Variants in CACUL1 observed in about 807,000 individuals in gnomAD.
The protein encoded by CACUL1 is CDK2 associated cullin domain 1, also known as CDK2-associated and cullin domain-containing protein 1.
In CACUL1, 13 loss-of-function variants were observed where a neutral mutation model predicts 45.2. The observed-to-expected ratio is 0.29, with a 90% CI of 0.19 to 0.46. The LOEUF (loss-of-function observed/expected upper bound fraction) is 0.46. CACUL1 is among the 20% of genes least tolerant of loss of function. The probability of loss-of-function intolerance (pLI) is 1.00; values close to 1 mark genes in which losing one functional copy is unlikely to be tolerated. For synonymous variants in CACUL1, 197 were observed against 174.2 expected (o/e 1.13, Z -1.03); for missense variants, 421 against 471.4 (o/e 0.89, Z 0.99).
At chr10:118,729,657 G>A (rs888227590) in intron 2 of CACUL1, among the ~76,000 whole-genome samples, 3 of 152,156 alleles carry the variant, frequency 2.0e-5, no homozygotes, top group African/African-American at 2.4e-5. Flanking sequence ...TCTAATAGTA[G>A]GTGAGAATCT....
At chr10:118,748,177 A>T (rs911741624) in intron 1 of CACUL1, among the ~76,000 whole-genome samples, 4 of 152,228 alleles carry the variant, frequency 2.6e-5, no homozygotes, top group African/African-American at 9.6e-5. Context: ...TGCTGGACAG[A>T]CAGTCCTCCG....
At chr10:118,694,951 T>C in intron 6 of CACUL1, 190 bp downstream of exon 6, 1 of 444,976 alleles carries the variant, frequency 2.2e-6, no homozygotes, top group East Asian at 3.6e-5. Flanking sequence ...CACTAGTTGG[T>C]TTCCACTAGC....
intron 3 of CACUL1, among the ~76,000 whole-genome samples, chr10:118,724,467 T>G (rs1228697814): frequency 6.6e-6 from 1 of 152,214 alleles, no homozygotes; most frequent in Non-Finnish European, 1.5e-5. Flanking sequence ...GAGTCATAGT[T>G]AAATAGGATA....
intron 5 of CACUL1, among the ~76,000 whole-genome samples, chr10:118,696,157 C>CACTGTT (rs531138132): frequency 2.6e-3 from 390 of 152,286 alleles, no homozygotes; most frequent in Non-Finnish European, 3.3e-3. Context: ...GAGATGCACT[C>CACTGTT]ACTGTTCAAG....
In CACUL1 at chr10:118,686,717, T is replaced by TAAA. The variant is rs1589600289; in HGVS notation, c.1026-79_1026-77dup. The TAAA allele has an allele frequency of 6.7e-5, 70 of 1,042,816 alleles. No individual in the cohort carries two copies. The East Asian group carries it at 1.6e-3, about 24-fold the overall frequency. 64.6% of individuals were successfully genotyped at this position (1,042,816 alleles called of 1,614,324 possible). On this transcript the variant is annotated intron_variant, in intron 7 of 8. Transcript: ENST00000369151. Reference sequence around the variant, plus strand: ...AGGAAAGGATCAACATATTTGATAATAAAAGTATAGCAGACATTTCAGTTC... The same window carrying TAAA: ...AGGAAAGGATCAACATATTTGATAATAAAAAAAGTATAGCAGACATTTCAGTTC...
chr10:118,702,378 G>A lies in CACUL1; in HGVS notation c.694-970C>T, dbSNP rs1475967320. Among the ~76,000 whole-genome samples, 5 of 152,128 alleles carry A rather than the reference G, an allele frequency of 3.3e-5. No homozygotes were observed. The South Asian group carries it at 6.2e-4, about 19-fold the overall frequency. ...GGAACAGGATAAAACCGATGTTACGGAGAGCAGAGAGACCAAAAATCAAGT... is the reference window on the plus strand; with the variant it reads ...GGAACAGGATAAAACCGATGTTACGAAGAGCAGAGAGACCAAAAATCAAGT... On this transcript the variant is annotated intron_variant, in intron 4 of 8. Transcript: ENST00000369151.
chr10:118,725,163 G>A (rs767573084), intron 3 of CACUL1, among the ~76,000 whole-genome samples: 5 of 152,184 alleles, frequency 3.3e-5, no homozygotes, highest in South Asian at 4.1e-4. Context: ...ATAGAACTTC[G>A]TTATTACTTT....
chr10:118,725,191 G>C (rs572128518), intron 3 of CACUL1, among the ~76,000 whole-genome samples: 2 of 152,260 alleles, frequency 1.3e-5, no homozygotes, highest in South Asian at 4.1e-4. Flanking sequence ...AGAACAGCCG[G>C]GAGTGGTGTC....
chr10:118,732,588 T>C (rs1845707624), intron 1 of CACUL1, among the ~76,000 whole-genome samples: 1 of 152,146 alleles, frequency 6.6e-6, no homozygotes, highest in Non-Finnish European at 1.5e-5. Context: ...GGATTCAGTG[T>C]CATTACCACC....
At chr10:118,686,198 T>C in intron 8 of CACUL1, 30 bp from the exon 9 acceptor site, 2 of 1,587,250 alleles carry the variant, frequency 1.3e-6, no homozygotes, top group Non-Finnish European at 8.6e-7. Flanking sequence ...GGAAAAAGTA[T>C]GAAGAGCAGA....
intron 7 of CACUL1, among the ~76,000 whole-genome samples, chr10:118,689,833 C>A (rs1380381553): frequency 6.6e-6 from 1 of 152,134 alleles, no homozygotes; most frequent in Non-Finnish European, 1.5e-5. Flanking sequence ...GAGCTATATT[C>A]CTATACTGCT....
intron 1 of CACUL1, among the ~76,000 whole-genome samples, chr10:118,749,575 G>C (rs1387054512): frequency 6.6e-6 from 1 of 152,220 alleles, no homozygotes; most frequent in Non-Finnish European, 1.5e-5. Context: ...ATAAAGAAGA[G>C]GATGAGTTCC....
chr10:118,704,905 C>T (rs1043309377), intron 4 of CACUL1, among the ~76,000 whole-genome samples: 1 of 152,216 alleles, frequency 6.6e-6, no homozygotes, highest in Non-Finnish European at 1.5e-5. Context: ...CTGCCAAATG[C>T]GGGTACAAGC....
chr10:118,740,867 A>T (rs12413302), intron 1 of CACUL1, among the ~76,000 whole-genome samples: 19,830 of 150,790 alleles, frequency 0.13, 1,525 homozygotes, highest in Admixed American at 0.27. Flanking sequence ...CGGAGCTTGC[A>T]GTGAGCCAAG....
At chr10:118,691,179 G>T in intron 7 of CACUL1, 86 bp downstream of exon 7, 1 of 1,199,264 alleles carries the variant, frequency 8.3e-7, no homozygotes, top group Non-Finnish European at 1.2e-6. Context: ...CCCATTCTCA[G>T]AACCTTACCA....
chr10:118,752,547 T>C (rs1477010744), intron 1 of CACUL1, among the ~76,000 whole-genome samples: 4 of 152,240 alleles, frequency 2.6e-5, no homozygotes, highest in Non-Finnish European at 5.9e-5. Flanking sequence ...GTATTTATTC[T>C]GCAGTATTTT....
At chr10:118,717,702 C>T (rs1845561253) in intron 3 of CACUL1, among the ~76,000 whole-genome samples, 1 of 152,138 alleles carries the variant, frequency 6.6e-6, no homozygotes, top group Non-Finnish European at 1.5e-5. Context: ...TGTAATGAAT[C>T]ATTAAAGGCC....
chr10:118,716,244 A>G (rs1371380842), intron 3 of CACUL1, among the ~76,000 whole-genome samples: 1 of 151,588 alleles, frequency 6.6e-6, no homozygotes, highest in Non-Finnish European at 1.5e-5. Context: ...AAAAAAAAAG[A>G]AAAAGAAAAA....
chr10:118,710,929 A>C (rs1229278147), intron 3 of CACUL1, among the ~76,000 whole-genome samples: 1 of 152,238 alleles, frequency 6.6e-6, no homozygotes, highest in African/African-American at 2.4e-5. Context: ...AATAGGAAAA[A>C]TACTAGCTGT....
Sources: allele counts gnomAD v4.1 joint callset (sites outside exome capture counted in the v4.1 genomes callset), GRCh38; gene constraint gnomAD v4.1.1; transcripts MANE v1.5; gene names NCBI Gene and HGNC (gene_info 2026-07-23, HGNC 2026-07-21).